The following ST8SIA2 variants were observed in gnomAD, a reference collection of about 807,000 sequenced individuals.
ST8SIA2 encodes the protein ST8 alpha-N-acetyl-neuraminide alpha-2,8-sialyltransferase 2.
Under a neutral mutation model 37.6 loss-of-function variants are expected in ST8SIA2, and 22 were observed. That is an observed-to-expected ratio of 0.58 (90% CI 0.42 to 0.83). The LOEUF (loss-of-function observed/expected upper bound fraction) is 0.83. ST8SIA2 is among the 40% of genes least tolerant of loss of function. The pLI, the probability that ST8SIA2 is intolerant of heterozygous loss-of-function variation, is 0.00. For missense variants in ST8SIA2, 382 were observed against 484.7 expected (o/e 0.79, Z 1.99); for synonymous variants, 205 against 201.2 (o/e 1.02, Z -0.16).
chr15:92,464,367 G>T lies in ST8SIA2; in HGVS notation c.1110G>T (p.Gln370His), dbSNP rs141226307. 260 of 1,613,874 alleles carry T rather than the reference G, an allele frequency of 1.6e-4. No individual in the cohort carries two copies. In the African/African-American group the frequency reaches 3.1e-3, roughly 19 times the overall value. ...EQGALKLTVG[Q>H]CDGAT ...GGGCTTTGAAACTGACTGTCGGCCA[G>T]TGCGATGGGGCCACGTAGGGTGGGC... is the stretch of plus-strand genomic sequence containing the variant. Residue 370 changes from glutamine to histidine, a missense_variant, in exon 6 of 6, where the codon CAG becomes CAT. By Grantham distance (24) the Gln-to-His change is conservative. Transcript: ENST00000268164.
In ST8SIA2 at chr15:92,445,095, G is replaced by A. The variant is rs1027769533; in HGVS notation, c.842+166G>A. 9.8e-6 allele frequency: 10 copies of A among 1,023,370 alleles called. No individual in the cohort carries two copies. In the Admixed American group the frequency reaches 1.9e-4, roughly 19 times the overall value. The allele number at this position is 1,023,370 out of a possible 1,614,324, so 63.4% of individuals were successfully genotyped here. A position where few individuals can be genotyped will look rare whatever the true frequency, so the allele number is the denominator to read the frequency against. Reference sequence around the variant, plus strand: ...TCTGAGCCTCCATTCCTTGAGAGATGAGGGGGTTTGGCAAGTGGGTTTCAT... The same window carrying A: ...TCTGAGCCTCCATTCCTTGAGAGATAAGGGGGTTTGGCAAGTGGGTTTCAT... On this transcript the variant is annotated intron_variant, in intron 5 of 5. Transcript: ENST00000268164.
intron 1 of ST8SIA2, among the ~76,000 whole-genome samples, chr15:92,404,604 C>CT (rs1567210243): frequency 6.7e-6 from 1 of 149,268 alleles, no homozygotes; most frequent in Non-Finnish European, 1.5e-5. Flanking sequence ...GGTGGATTAC[C>CT]TGAGGTCAGG....
At chr15:92,406,236 G>A (rs1173571056) in intron 1 of ST8SIA2, among the ~76,000 whole-genome samples, 1 of 152,190 alleles carries the variant, frequency 6.6e-6, no homozygotes, top group African/African-American at 2.4e-5. Context: ...CAATCACCTC[G>A]AGGATTTGTT....
intron 5 of ST8SIA2, among the ~76,000 whole-genome samples, chr15:92,454,865 C>G (rs114643977): frequency 1.6e-3 from 240 of 152,128 alleles, no homozygotes; most frequent in African/African-American, 5.3e-3. Context: ...GTGAATGGCT[C>G]TAATTTAATT....
At chr15:92,419,668 G>A (rs1030356236) in intron 1 of ST8SIA2, among the ~76,000 whole-genome samples, 2 of 152,184 alleles carry the variant, frequency 1.3e-5, no homozygotes, top group African/African-American at 4.8e-5. Context: ...AAATTGGGAT[G>A]GGGGAACCAG....
chr15:92,407,770 A>T (rs1054312899), intron 1 of ST8SIA2, among the ~76,000 whole-genome samples: 2 of 152,194 alleles, frequency 1.3e-5, no homozygotes, highest in Non-Finnish European at 1.5e-5. Context: ...CCAAGAATTT[A>T]ATTGTATTTA....
In ST8SIA2 at chr15:92,464,459, G is replaced by A. The variant is rs2049979115; in HGVS notation, c.*74G>A. Reference sequence around the variant, plus strand: ...CCACAGGCAGATGGGAGTCGGGGTGGCACAAACAATAGAACAAGCAGGCTA... The same window carrying A: ...CCACAGGCAGATGGGAGTCGGGGTGACACAAACAATAGAACAAGCAGGCTA... On this transcript the variant is annotated 3_prime_UTR_variant, in exon 6 of 6. Transcript: ENST00000268164. 5.2e-6 allele frequency: 8 copies of A among 1,551,376 alleles called. No individual in the cohort carries two copies. The highest frequency in any genetic ancestry group is 1.4e-5 in the African/African-American group (1 of 73,680).
At chr15:92,405,535 G>A (rs1215063368) in intron 1 of ST8SIA2, among the ~76,000 whole-genome samples, 2 of 151,764 alleles carry the variant, frequency 1.3e-5, no homozygotes, top group Admixed American at 1.3e-4. Flanking sequence ...AGCCAGAAGA[G>A]TGCCTGGCAG....
Position 92,438,527 on chromosome 15 carries a change from G to A in ST8SIA2, c.465G>A (p.Gly155=). 1.2e-6 allele frequency: 2 copies of A among 1,614,134 alleles called. No homozygotes were observed. The highest frequency in any genetic ancestry group is 1.7e-6 in the Non-Finnish European group (2 of 1,180,026). Residue 155 remains glycine (G), a synonymous_variant, in exon 4 of 6, where the codon GGG becomes GGA. Transcript: ENST00000268164. ...CGCCACTGAAGAATAAGCACTTTGG[G>A]ACTTGTGCCATCGTGGGCAACTCGG... The part of the protein sequence containing the change: ...RTSPLKNKHF[G]TCAIVGNSGV...
At chr15:92,437,306 A>G (rs1273910600) in intron 3 of ST8SIA2, among the ~76,000 whole-genome samples, 1 of 152,182 alleles carries the variant, frequency 6.6e-6, no homozygotes, top group Non-Finnish European at 1.5e-5. Flanking sequence ...CAGTTCTTTA[A>G]GTAAAACGCC....
chr15:92,404,045 A>G (rs1596228959), intron 1 of ST8SIA2, among the ~76,000 whole-genome samples: 1 of 152,172 alleles, frequency 6.6e-6, no homozygotes, highest in African/African-American at 2.4e-5. Flanking sequence ...CCCTTCCCCA[A>G]CCTGCCAGAA....
In ST8SIA2 at chr15:92,464,652, A is replaced by G. The variant is rs2049980287; in HGVS notation, c.*267A>G. On this transcript the variant is annotated 3_prime_UTR_variant, in exon 6 of 6. Transcript: ENST00000268164. ...CCCACCTGAACCAGATTGAGACTCA[A>G]TCCATCTTTGGGGGTGGAAGGACTT... The G allele has an allele frequency of 1.2e-5, 6 of 500,610 alleles. No homozygotes were observed. The highest frequency in any genetic ancestry group is 4.8e-5 in the South Asian group (2 of 42,022). 31.0% of individuals were successfully genotyped at this position (500,610 alleles called of 1,614,324 possible).
At chr15:92,458,087 A>G (rs769271523) in intron 5 of ST8SIA2, among the ~76,000 whole-genome samples, 4 of 152,160 alleles carry the variant, frequency 2.6e-5, no homozygotes, top group Admixed American at 1.3e-4. Flanking sequence ...CAGGATAATC[A>G]ATCCTAGGCT....
chr15:92,461,768 C>A (rs996628954), intron 5 of ST8SIA2, among the ~76,000 whole-genome samples: 4 of 152,160 alleles, frequency 2.6e-5, no homozygotes, highest in Non-Finnish European at 5.9e-5. Context: ...GGAGAGATTT[C>A]GGAGAAATGC....
intron 2 of ST8SIA2, 77 bp downstream of exon 2, chr15:92,430,188 G>T (rs186725237): frequency 3.6e-5 from 51 of 1,410,234 alleles, no homozygotes; most frequent in Non-Finnish European, 4.9e-5. Flanking sequence ...TTTGCTGGAT[G>T]GTGCCCTTCT....
chr15:92,411,601 T>A lies in ST8SIA2; in HGVS notation c.98+17439T>A, dbSNP rs192574445. Among the ~76,000 whole-genome samples the A allele has an allele frequency of 9.9e-5, 15 of 152,254 alleles. No individual in the cohort carries two copies. In the East Asian group the frequency reaches 2.9e-3, roughly 29 times the overall value. ...TGTGGAAATGAAGACAATTTAAAAA[T>A]TATTAAGCCACCACTTACTGGAGCA... is the stretch of plus-strand genomic sequence containing the variant. On this transcript the variant is annotated intron_variant, in intron 1 of 5. Transcript: ENST00000268164.
chr15:92,418,507 A>C (rs1171996724), intron 1 of ST8SIA2, among the ~76,000 whole-genome samples: 1 of 150,352 alleles, frequency 6.7e-6, no homozygotes. Context: ...TGCCTGGCAC[A>C]TGGAGGGGCT....
intron 1 of ST8SIA2, among the ~76,000 whole-genome samples, chr15:92,414,489 G>T (rs986226397): frequency 6.6e-6 from 1 of 152,188 alleles, no homozygotes; most frequent in Non-Finnish European, 1.5e-5. Flanking sequence ...TCAGACAGAG[G>T]TGTATTCAAA....
intron 1 of ST8SIA2, among the ~76,000 whole-genome samples, chr15:92,413,632 C>T (rs189332394): frequency 1.3e-5 from 2 of 152,300 alleles, no homozygotes; most frequent in Non-Finnish European, 1.5e-5. Context: ...CCTTTGTGTG[C>T]CAGGGTGCTT....
Sources: gnomAD v4.1 joint callset for allele counts (sites outside exome capture counted in the v4.1 genomes callset) on GRCh38, gnomAD v4.1.1 for gene constraint, MANE v1.5 for transcripts, NCBI Gene and HGNC (gene_info 2026-07-23, HGNC 2026-07-21) for gene names.